Variants in RBPJ observed in about 807,000 individuals in gnomAD.
RBPJ encodes recombination signal binding protein for immunoglobulin kappa J region.
RBPJ carries 9 observed loss-of-function variants against 67.8 expected under a neutral mutation model. The ratio of observed to expected loss-of-function variants is 0.13; its 90% CI spans 0.08 to 0.23. The LOEUF (loss-of-function observed/expected upper bound fraction) is 0.23, where lower values mean the gene tolerates loss of function less well. Ranked by LOEUF, RBPJ falls within the 10% of genes least tolerant of loss-of-function variation. The pLI, the probability that RBPJ is intolerant of heterozygous loss-of-function variation, is 1.00. For synonymous variants in RBPJ, 198 were observed against 203.3 expected, an observed-to-expected ratio of 0.97 and a Z score of 0.22; for missense variants, 305 against 595.6, an observed-to-expected ratio of 0.51 and a Z score of 5.08.
At chr4:26,195,132 G>T (rs1717706096) in intron 1 of RBPJ, among the ~76,000 whole-genome samples, 1 of 152,226 alleles carries the variant, frequency 6.6e-6, no homozygotes, top group African/African-American at 2.4e-5. Context: ...ACACTGGGAG[G>T]TCAAGGTGGG....
chr4:26,202,970 T>TAAGG (rs145254724), intron 1 of RBPJ, among the ~76,000 whole-genome samples: 4,359 of 138,546 alleles, frequency 0.031, 90 homozygotes, highest in Admixed American at 0.043. Flanking sequence ...AGGAAGGAAA[T>TAAGG]AAGGAAGGAA....
rs533689670 is a variant in RBPJ, at chr4:26,400,211, T to G, written c.60-5964T>G. Among the ~76,000 whole-genome samples the G allele has an allele frequency of 9.8e-5, 15 of 152,350 alleles. No individual in the cohort carries two copies. In the East Asian group the frequency reaches 2.9e-3, roughly 29 times the overall value. ...GTGATATCTTACCACTGAAATTTTT[T>G]GGGTTTATCCCAGTAGTTTTCATTC... On this transcript the variant is annotated intron_variant, in intron 2 of 10. Coordinates refer to ENST00000355476, the MANE Select transcript of RBPJ (RefSeq NM_015874.6).
At chr4:26,410,151 G>A in intron 3 of RBPJ, 1 of 391,602 alleles carries the variant, frequency 2.6e-6, no homozygotes, top group Non-Finnish European at 5.0e-6. Context: ...GGAGTGCACA[G>A]TGGGAAGAGG....
rs751969122 is a variant in RBPJ at position 26,362,687 on chromosome 4, T to C, written c.21-23666T>C. ...TCATGGATAGAATGAACACTCATGA[T>C]TCTGTATTTAGTTAATGCATATTTA... On this transcript the variant is annotated intron_variant, in intron 1 of 10. Coordinates refer to ENST00000355476, the MANE Select transcript of RBPJ (RefSeq NM_015874.6). 26 of 1,352,584 alleles carry C rather than the reference T, an allele frequency of 1.9e-5. No individual in the cohort carries two copies. In the Middle Eastern group the frequency reaches 7.2e-4, roughly 38 times the overall value. 83.8% of individuals were successfully genotyped at this position (1,352,584 alleles called of 1,614,324 possible). A position where few individuals can be genotyped will look rare whatever the true frequency, so the allele number is the denominator to read the frequency against.
rs1325784657 is a variant in RBPJ at position 26,244,493 on chromosome 4, ATG to A, written c.-167+80885_-167+80886del. Among the ~76,000 whole-genome samples the A allele has an allele frequency of 6.1e-5, 9 of 146,494 alleles. 4 individuals are homozygous for A. The highest frequency in any genetic ancestry group is 1.6e-4 in the African/African-American group (6 of 37,776). ...TGTATACATATGTGTGTATACATAT[ATG>A]TGTGTATATATGTATACATATATGT... On this transcript the variant is annotated intron_variant, in intron 1 of 4. Coordinates refer to the RBPJ transcript ENST00000512351.
the RBPJ span, among the ~76,000 whole-genome samples, chr4:26,130,501 G>A: frequency 6.6e-6 from 1 of 152,080 alleles, no homozygotes; most frequent in Non-Finnish European, 1.5e-5. Context: ...CCCCTGCCTG[G>A]TCTCAGTCCT....
At chr4:26,184,230 A>G (rs1717138913) in intron 1 of RBPJ, among the ~76,000 whole-genome samples, 1 of 151,922 alleles carries the variant, frequency 6.6e-6, no homozygotes, top group African/African-American at 2.4e-5. Context: ...CACTTGTTAA[A>G]GACAAGTGGT....
intron 2 of RBPJ, among the ~76,000 whole-genome samples, chr4:26,392,565 A>G (rs1731619729): frequency 6.6e-6 from 1 of 152,248 alleles, no homozygotes; most frequent in Non-Finnish European, 1.5e-5. Flanking sequence ...ATCAGGAAAA[A>G]AGAATACGTA....
intron 1 of RBPJ, among the ~76,000 whole-genome samples, chr4:26,311,997 T>C (rs1347216653): frequency 6.6e-6 from 1 of 152,216 alleles, no homozygotes. Flanking sequence ...CACCCTGTTA[T>C]AAATACCTGC....
chr4:26,344,797 T>A (rs1725962066), intron 1 of RBPJ, among the ~76,000 whole-genome samples: 1 of 152,178 alleles, frequency 6.6e-6, no homozygotes, highest in African/African-American at 2.4e-5. Context: ...GTATTTCTGG[T>A]GTTAGAGTGT....
the RBPJ span, among the ~76,000 whole-genome samples, chr4:26,123,016 A>T: frequency 6.6e-6 from 1 of 152,206 alleles, no homozygotes; most frequent in African/African-American, 2.4e-5. Flanking sequence ...CCTCTCAGGA[A>T]CAGATTGGGC....
the RBPJ span, among the ~76,000 whole-genome samples, chr4:26,140,834 C>CAAATAAATAAATAAATAAATAAATAAAT: frequency 4.3e-4 from 60 of 138,510 alleles, 1 homozygote; most frequent in African/African-American, 1.3e-3. Context: ...GACCCTTCCA[C>CAAATAAATAAATAAATAAATAAATAAAT]AAATAAATAA....
At chr4:26,361,451 C>T (rs544351752) in intron 1 of RBPJ, among the ~76,000 whole-genome samples, 2 of 152,200 alleles carry the variant, frequency 1.3e-5, no homozygotes, top group African/African-American at 4.8e-5. Flanking sequence ...TTCTCCTTAG[C>T]ACTTACTTTT....
chr4:26,387,091 G>A (rs922608939), intron 2 of RBPJ, among the ~76,000 whole-genome samples: 29 of 151,902 alleles, frequency 1.9e-4, no homozygotes, highest in African/African-American at 6.5e-4. Flanking sequence ...ACCTTTTCAC[G>A]CCACTTAACA....
chr4:26,221,937 C>T (rs1428763744), intron 1 of RBPJ, among the ~76,000 whole-genome samples: 1 of 151,892 alleles, frequency 6.6e-6, no homozygotes, highest in Non-Finnish European at 1.5e-5. Flanking sequence ...ACTGGCAGGG[C>T]GGTGAGAGGG....
intron 1 of RBPJ, among the ~76,000 whole-genome samples, chr4:26,350,096 A>G (rs971167560): frequency 9.2e-5 from 14 of 152,212 alleles, no homozygotes; most frequent in Non-Finnish European, 1.8e-4. Flanking sequence ...CGTGTAAGAC[A>G]TAATAAATTT....
chr4:26,181,063 A>T (rs1286997152), intron 1 of RBPJ, among the ~76,000 whole-genome samples: 1 of 152,164 alleles, frequency 6.6e-6, no homozygotes, highest in East Asian at 1.9e-4. Context: ...GTCTTCTGCC[A>T]TGACTGTGAG....
At chr4:26,309,198 G>A (rs1010509592) in intron 1 of RBPJ, among the ~76,000 whole-genome samples, 16 of 151,934 alleles carry the variant, frequency 1.1e-4, no homozygotes, top group African/African-American at 3.9e-4. Flanking sequence ...TGTGTTTTTT[G>A]TAGATATGGG....
intron 1 of RBPJ, among the ~76,000 whole-genome samples, chr4:26,366,709 CG>C: frequency 6.6e-6 from 1 of 152,114 alleles, no homozygotes; most frequent in South Asian, 2.1e-4. Flanking sequence ...CATGAGCCAC[CG>C]CCCCCAGTCT....
Sources: allele counts gnomAD v4.1 joint callset (sites outside exome capture counted in the v4.1 genomes callset), GRCh38; gene constraint gnomAD v4.1.1; transcripts MANE v1.5; gene names NCBI Gene and HGNC (gene_info 2026-07-23, HGNC 2026-07-21).